Variants in GALNT13 observed in about 807,000 individuals in gnomAD.
The protein encoded by GALNT13 is UDP-GalNAc:polypeptide N-acetylgalactosaminyltransferase 13.
Under a neutral mutation model 64.2 loss-of-function variants are expected in GALNT13, and 28 were observed. The observed-to-expected ratio is 0.44, with a 90% confidence interval of 0.32 to 0.60. The LOEUF is 0.60. Among genes scored for constraint, GALNT13 ranks in the 20% least tolerant of loss-of-function variants. The pLI is 0.05. For synonymous variants in GALNT13, 214 were observed against 224.6 expected, an observed-to-expected ratio of 0.95 and a Z score of 0.42; for missense variants, 577 against 669.8, an observed-to-expected ratio of 0.86 and a Z score of 1.53.
At chr2:153,774,443 G>A in the GALNT13 span, among the ~76,000 whole-genome samples, 4 of 152,126 alleles carry the variant, frequency 2.6e-5, no homozygotes, top group South Asian at 4.1e-4. Context: ...TATCAGTTGG[G>A]TTTTATATAA....
At chr2:153,874,619 T>C (rs573070862) in intron 1 of GALNT13, among the ~76,000 whole-genome samples, 2 of 152,224 alleles carry the variant, frequency 1.3e-5, no homozygotes, top group South Asian at 4.2e-4. Context: ...TGTTGGTTGA[T>C]TGATTAGCAT....
At chr2:154,100,893 G>T (rs1385559520) in intron 3 of GALNT13, among the ~76,000 whole-genome samples, 1 of 151,930 alleles carries the variant, frequency 6.6e-6, no homozygotes, top group Non-Finnish European at 1.5e-5. Flanking sequence ...TGCCTAGTTT[G>T]TTGAGAGTTT....
chr2:153,344,976 G>A, the GALNT13 span, among the ~76,000 whole-genome samples: 1 of 152,124 alleles, frequency 6.6e-6, no homozygotes, highest in African/African-American at 2.4e-5. Flanking sequence ...TTTACAATTA[G>A]TAGGCAGAAC....
the GALNT13 span, among the ~76,000 whole-genome samples, chr2:153,408,550 C>T: frequency 6.6e-6 from 1 of 152,172 alleles, no homozygotes. Flanking sequence ...GGCTCACTGG[C>T]TTGCTCCCAC....
At chr2:153,356,799 T>TC in the GALNT13 span, among the ~76,000 whole-genome samples, 2 of 133,386 alleles carry the variant, frequency 1.5e-5, no homozygotes, top group African/African-American at 5.7e-5. Flanking sequence ...CTTTTTTTTT[T>TC]TTTTTTTTTT....
the GALNT13 span, among the ~76,000 whole-genome samples, chr2:153,257,330 C>A: frequency 0.022 from 3,350 of 152,068 alleles, 130 homozygotes; most frequent in African/African-American, 0.076. Context: ...GTGCGCGCAC[C>A]CACTGACCTG....
intron 11 of GALNT13, among the ~76,000 whole-genome samples, chr2:154,431,368 AG>A (rs1277373973): frequency 1.3e-5 from 2 of 152,174 alleles, no homozygotes; most frequent in Non-Finnish European, 2.9e-5. Context: ...GTTTTTCTAA[AG>A]GGTCATGAAA....
At chr2:153,870,565 T>C (rs182639532), upstream of GALNT13, among the ~76,000 whole-genome samples, 198 of 151,900 alleles carry the variant, frequency 1.3e-3, 2 homozygotes, top group Non-Finnish European at 1.4e-3. Flanking sequence ...CACAGAAGCA[T>C]CTCTGGTAAA....
chr2:154,298,283 A>G (rs1029186793), intron 8 of GALNT13, among the ~76,000 whole-genome samples: 2 of 150,798 alleles, frequency 1.3e-5, no homozygotes, highest in Non-Finnish European at 2.9e-5. Flanking sequence ...AGCTACATAA[A>G]TAAACAGTAT....
the GALNT13 span, among the ~76,000 whole-genome samples, chr2:153,683,251 C>T: frequency 4.6e-5 from 7 of 151,638 alleles, no homozygotes; most frequent in African/African-American, 1.7e-4. Flanking sequence ...CAGTTTCCAG[C>T]ACTTCATAAA....
At chr2:153,539,265 T>G in the GALNT13 span, among the ~76,000 whole-genome samples, 3 of 152,172 alleles carry the variant, frequency 2.0e-5, no homozygotes, top group Non-Finnish European at 2.9e-5. Flanking sequence ...TAAATTTGTT[T>G]GAGTTCATTG....
chr2:153,300,123 A>C, the GALNT13 span, among the ~76,000 whole-genome samples: 1 of 152,218 alleles, frequency 6.6e-6, no homozygotes, highest in Non-Finnish European at 1.5e-5. Flanking sequence ...TATATCAAGA[A>C]GGAAAAGTGG....
the GALNT13 span, among the ~76,000 whole-genome samples, chr2:153,212,935 G>T: frequency 2.0e-5 from 3 of 152,172 alleles, no homozygotes; most frequent in Non-Finnish European, 4.4e-5. Flanking sequence ...TTTTCTGTCT[G>T]AACAAATTAT....
chr2:153,460,813 A>C, the GALNT13 span, among the ~76,000 whole-genome samples: 2 of 152,174 alleles, frequency 1.3e-5, no homozygotes, highest in African/African-American at 4.8e-5. Context: ...ACCACTGTCT[A>C]CTAGTTTGAT....
chr2:153,452,041 G>T, the GALNT13 span, among the ~76,000 whole-genome samples: 3 of 152,174 alleles, frequency 2.0e-5, no homozygotes, highest in South Asian at 2.1e-4. Context: ...AGCCAGCATC[G>T]CTTGTACAGC....
chr2:153,894,692 A>G (rs1362703412), intron 1 of GALNT13, among the ~76,000 whole-genome samples: 2 of 152,132 alleles, frequency 1.3e-5, no homozygotes, highest in Non-Finnish European at 1.5e-5. Flanking sequence ...ATTGATTTCC[A>G]TACACTTCTA....
At chr2:153,141,025 C>G in the GALNT13 span, among the ~76,000 whole-genome samples, 1 of 151,922 alleles carries the variant, frequency 6.6e-6, no homozygotes, top group African/African-American at 2.4e-5. Context: ...TCCATTCTAC[C>G]ACTCTGTCCA....
At chr2:153,092,253 T>G in the GALNT13 span, among the ~76,000 whole-genome samples, 1 of 152,148 alleles carries the variant, frequency 6.6e-6, no homozygotes, top group Non-Finnish European at 1.5e-5. Context: ...GGCTCTAGAG[T>G]ATAATTTGAA....
chr2:154,425,938 G>C (rs994648322), intron 11 of GALNT13, among the ~76,000 whole-genome samples: 2 of 152,184 alleles, frequency 1.3e-5, no homozygotes, highest in East Asian at 1.9e-4. Flanking sequence ...CCTTTTTCCT[G>C]ATGGTCCCGT....
Sources: gnomAD v4.1 joint callset for allele counts (sites outside exome capture counted in the v4.1 genomes callset) on GRCh38, gnomAD v4.1.1 for gene constraint, MANE v1.5 for transcripts, NCBI Gene and HGNC (gene_info 2026-07-23, HGNC 2026-07-21) for gene names.